Variants in ANKS1B observed in about 807,000 individuals in gnomAD.
ANKS1B encodes the protein ankyrin repeat and sterile alpha motif domain-containing protein 1B.
ANKS1B carries 36 observed loss-of-function variants against 148.3 expected under a neutral mutation model. That is an observed-to-expected ratio of 0.24 (90% confidence interval 0.19 to 0.32). ANKS1B has a LOEUF of 0.32. ANKS1B is among the 10% of genes least tolerant of loss of function. The pLI is 1.00. For synonymous variants in ANKS1B, 542 were observed against 560.8 expected (o/e 0.97, Z 0.47); for missense variants, 1,157 against 1,542.6 (o/e 0.75, Z 4.19).
chr12:99,168,984 T>A (rs766393191), intron 14 of ANKS1B, among the ~76,000 whole-genome samples: 1 of 152,196 alleles, frequency 6.6e-6, no homozygotes. Context: ...CAGCTAATAT[T>A]CTGATTAATT....
At chr12:99,846,795 A>G (rs2086737981) in intron 1 of ANKS1B, among the ~76,000 whole-genome samples, 1 of 152,154 alleles carries the variant, frequency 6.6e-6, no homozygotes, top group Non-Finnish European at 1.5e-5. Context: ...TCTTTAGGAG[A>G]TATAAAGATA....
At chr12:98,987,333 A>G in intron 17 of ANKS1B, among the ~76,000 whole-genome samples, 2 of 152,244 alleles carry the variant, frequency 1.3e-5, no homozygotes, top group Middle Eastern at 6.8e-3. Context: ...AAAATAAAAT[A>G]TGTAATTCAG....
chr12:99,088,631 T>C (rs2153637923), intron 15 of ANKS1B, among the ~76,000 whole-genome samples: 1 of 152,236 alleles, frequency 6.6e-6, no homozygotes, highest in African/African-American at 2.4e-5. Flanking sequence ...AGGTAACTTA[T>C]TTTTGTAGTA....
chr12:99,327,900 T>A (rs1285360378), intron 12 of ANKS1B, among the ~76,000 whole-genome samples: 2 of 151,898 alleles, frequency 1.3e-5, no homozygotes, highest in Non-Finnish European at 2.9e-5. Context: ...TCTGAATATA[T>A]CTATTTTTAA....
chr12:99,298,672 G>T (rs757420683), intron 12 of ANKS1B, among the ~76,000 whole-genome samples: 2 of 152,120 alleles, frequency 1.3e-5, no homozygotes, highest in Non-Finnish European at 2.9e-5. Flanking sequence ...ATAAAGCTCA[G>T]GTAGGGTAAT....
At chr12:99,139,166 A>ATCTT (rs373995732) in intron 15 of ANKS1B, among the ~76,000 whole-genome samples, 2,483 of 148,920 alleles carry the variant, frequency 0.017, 66 homozygotes, top group East Asian at 0.082. Context: ...CAGCTAATCA[A>ATCTT]TCTTTCTTTC....
intron 8 of ANKS1B, among the ~76,000 whole-genome samples, chr12:99,664,147 G>T (rs995724928): frequency 6.6e-6 from 1 of 150,558 alleles, no homozygotes; most frequent in African/African-American, 2.5e-5. Flanking sequence ...ACCTTAGAAA[G>T]TTTAAACTTT....
chr12:99,953,472 T>C (rs938707389), intron 1 of ANKS1B, among the ~76,000 whole-genome samples: 7 of 152,144 alleles, frequency 4.6e-5, no homozygotes, highest in African/African-American at 1.7e-4. Context: ...TTGGTGGTTC[T>C]TTTTTCCCCA....
intron 12 of ANKS1B, among the ~76,000 whole-genome samples, chr12:99,390,067 C>T (rs879568592): frequency 2.0e-5 from 3 of 152,102 alleles, no homozygotes; most frequent in Non-Finnish European, 2.9e-5. Context: ...GCAATTTGTA[C>T]AGAATTCTAA....
Position 99,660,398 on chromosome 12 carries a change from C to T in ANKS1B, c.1129-5188G>A, listed in dbSNP as rs188566280. On this transcript the variant is annotated intron_variant, in intron 8 of 26. Transcript: ENST00000683438. The stretch of plus-strand genomic sequence containing the variant: ...TTTTTTTTTGAGGTGGAGTCTCACT[C>T]TGTTGTCCAGGCTGCAGTGCAGTGG... Among the ~76,000 whole-genome samples, 29 of 130,716 alleles carry T rather than the reference C, an allele frequency of 2.2e-4. No individual in the cohort carries two copies. The East Asian group carries it at 6.6e-3, about 30-fold the overall frequency. The allele number at this position is 130,716 out of a possible 152,430, so 85.8% of individuals were successfully genotyped here. A position where few individuals can be genotyped will look rare whatever the true frequency, so the allele number is the denominator to read the frequency against.
rs556818814 is a variant in ANKS1B, at chr12:99,246,266, A to G, written c.2346+9T>C. The G allele has an allele frequency of 2.6e-6, 4 of 1,543,968 alleles. No homozygotes were observed. In the African/African-American group the frequency reaches 4.1e-5, roughly 16 times the overall value. Reference sequence around the variant, plus strand: ...TTATAGGATGAACAGCAAGAAGAACAAAGCTTACTTCTTCCCATTCCGATG... The same window carrying G: ...TTATAGGATGAACAGCAAGAAGAACGAAGCTTACTTCTTCCCATTCCGATG... On this transcript the variant is annotated intron_variant, in intron 13 of 26. Transcript: ENST00000683438.
At chr12:99,524,089 A>T (rs1417059427) in intron 9 of ANKS1B, among the ~76,000 whole-genome samples, 1 of 152,192 alleles carries the variant, frequency 6.6e-6, no homozygotes, top group East Asian at 1.9e-4. Flanking sequence ...AAATGACTCA[A>T]GGTAGGTGAA....
rs117353812 is a variant in ANKS1B at position 99,154,150 on chromosome 12, G to A, written c.2526+139C>T. ...TGTACACAGCAAGTTCAGTCCTAAG[G>A]GCATCCAATTTTCCAATGCAGTTAC... On this transcript the variant is annotated intron_variant, in intron 15 of 26. Transcript: ENST00000683438. 8.6e-4 allele frequency: 883 copies of A among 1,029,934 alleles called. 2 individuals carry two copies. The highest frequency in any genetic ancestry group is 2.7e-3 in the Admixed American group (105 of 38,246). The allele number at this position is 1,029,934 out of a possible 1,614,324, so 63.8% of individuals were successfully genotyped here.
At chr12:99,898,704 T>C (rs1019387412) in intron 1 of ANKS1B, among the ~76,000 whole-genome samples, 1 of 152,114 alleles carries the variant, frequency 6.6e-6, no homozygotes, top group African/African-American at 2.4e-5. Flanking sequence ...GGGGGGAGGT[T>C]GCCAAACTGC....
At chr12:99,391,985 G>C (rs534374371) in intron 12 of ANKS1B, among the ~76,000 whole-genome samples, 1 of 152,286 alleles carries the variant, frequency 6.6e-6, no homozygotes, top group South Asian at 2.1e-4. Context: ...TGAAAGTACT[G>C]AACTTACCAA....
chr12:98,746,027 T>C (rs2097881150), intron 26 of ANKS1B, among the ~76,000 whole-genome samples, 178 bp from the exon 27 acceptor site: 2 of 152,184 alleles, frequency 1.3e-5, no homozygotes, highest in African/African-American at 4.8e-5. Context: ...ACCGACTCTC[T>C]GCAGGGCACC....
intron 17 of ANKS1B, among the ~76,000 whole-genome samples, chr12:98,844,242 A>G (rs910643168): frequency 3.3e-5 from 5 of 152,242 alleles, no homozygotes; most frequent in African/African-American, 4.8e-5. Flanking sequence ...GCTAAGAAAC[A>G]GTATTCGCCT....
chr12:98,982,239 T>A (rs2099912144), intron 17 of ANKS1B, among the ~76,000 whole-genome samples: 1 of 152,132 alleles, frequency 6.6e-6, no homozygotes, highest in South Asian at 2.1e-4. Flanking sequence ...ACAAATCACC[T>A]GAGATCTTGT....
At chr12:98,832,186 T>A in intron 17 of ANKS1B, 50 bp from the exon 18 acceptor site, 1 of 1,385,868 alleles carries the variant, frequency 7.2e-7, no homozygotes, top group Non-Finnish European at 9.9e-7. Context: ...AACAAATAAT[T>A]TTTATATGTC....
Sources: allele counts gnomAD v4.1 joint callset (sites outside exome capture counted in the v4.1 genomes callset), GRCh38; gene constraint gnomAD v4.1.1; transcripts MANE v1.5; gene names NCBI Gene and HGNC (gene_info 2026-07-23, HGNC 2026-07-21).